The following KCNQ1 variants were observed in gnomAD, a reference collection of about 807,000 sequenced individuals.
KCNQ1 encodes potassium voltage-gated channel subfamily Q member 1.
KCNQ1 carries 49 observed loss-of-function variants against 72.4 expected under a neutral mutation model. The observed-to-expected ratio is 0.68, with a 90% CI of 0.54 to 0.86. The LOEUF (loss-of-function observed/expected upper bound fraction) is 0.86. KCNQ1 is among the 40% of genes least tolerant of loss of function. The probability of loss-of-function intolerance (pLI) is 0.00; values close to 1 mark genes in which losing one functional copy is unlikely to be tolerated. For missense variants in KCNQ1, 790 were observed against 945.1 expected (o/e 0.84, Z 2.15); for synonymous variants, 450 against 412.6 (o/e 1.09, Z -1.10).
chr11:2,646,412 C>G (rs968888683), intron 10 of KCNQ1: 3 of 398,446 alleles, frequency 7.5e-6, no homozygotes, highest in African/African-American at 6.2e-5. Flanking sequence ...TTGTGGAAAT[C>G]TTTCACCTCC....
chr11:2,842,261 C>T (rs1848229818), intron 15 of KCNQ1, among the ~76,000 whole-genome samples: 1 of 152,234 alleles, frequency 6.6e-6, no homozygotes, highest in Non-Finnish European at 1.5e-5. Context: ...ACAGCCTGGA[C>T]ACTGCCCGGG....
rs16928522 is a variant in KCNQ1, at chr11:2,664,411, C to T, written c.1514+2330C>T. 3.5e-5 allele frequency: 14 copies of T among 398,632 alleles called. No individual in the cohort carries two copies. Among genetic ancestry groups the T allele is most frequent in the Middle Eastern group, 1.3e-3 (2 of 1,588 alleles). The allele number at this position is 398,632 out of a possible 1,614,324, so 24.7% of individuals were successfully genotyped here. ...AGAGGCCTGAAGGGGAGAGTGGGCA[C>T]GTACAGTGTCAGGGCCTAGGAACCC... On this transcript the variant is annotated intron_variant, in intron 11 of 15. Transcript: ENST00000155840. This position sits in a 1 kb window ranked among gnomAD's most constrained non-coding sequence, Gnocchi z 5.1.
rs1036068574 is a variant in KCNQ1, at chr11:2,725,303, C to G, written c.1515-43541C>G. Among the ~76,000 whole-genome samples, 2 of 152,322 alleles carry G rather than the reference C, an allele frequency of 1.3e-5. No homozygotes were observed. Among genetic ancestry groups the G allele is most frequent in the Admixed American group, 6.5e-5 (1 of 15,304 alleles). On this transcript the variant is annotated intron_variant, in intron 11 of 15. Transcript: ENST00000155840. This position sits in a 1 kb window ranked among gnomAD's most constrained non-coding sequence, Gnocchi z 7.2. Reference sequence around the variant, plus strand: ...AGGGTCGGGGGCTCAGCCACGGGACCAGCGCTTGCCAGAAATGTTCCCAGC... The same window carrying G: ...AGGGTCGGGGGCTCAGCCACGGGACGAGCGCTTGCCAGAAATGTTCCCAGC...
chr11:2,646,880 A>G (rs972534213), intron 10 of KCNQ1: 2 of 398,606 alleles, frequency 5.0e-6, no homozygotes, highest in Non-Finnish European at 8.8e-6. Flanking sequence ...ACCAGTTCTA[A>G]AAGATTTTGG....
Position 2,679,260 on chromosome 11 carries a change from T to G in KCNQ1, c.1514+17179T>G. The G allele has an allele frequency of 1.0e-5, 4 of 398,678 alleles. No homozygotes were observed. The highest frequency in any genetic ancestry group is 4.4e-5 in the Admixed American group (1 of 22,740). The allele number at this position is 398,678 out of a possible 1,614,324, so 24.7% of individuals were successfully genotyped here. A position where few individuals can be genotyped will look rare whatever the true frequency, so the allele number is the denominator to read the frequency against. ...CAGCTGCCTGTCCCACCCTTGGCTG[T>G]GCTCTCCTTTACTAATCCATAGCCA... On this transcript the variant is annotated intron_variant, in intron 11 of 15. Coordinates refer to ENST00000155840, the MANE Select transcript of KCNQ1 (RefSeq NM_000218.3). This position sits in a 1 kb window ranked among gnomAD's most constrained non-coding sequence, Gnocchi z 4.8.
At chr11:2,625,277 A>G in intron 10 of KCNQ1, 1 of 398,612 alleles carries the variant, frequency 2.5e-6, no homozygotes, top group Non-Finnish European at 4.4e-6. Flanking sequence ...TTGAGACAAG[A>G]TCTGGCTCTG....
intron 15 of KCNQ1, chr11:2,839,794 G>A (rs972743374): frequency 1.3e-5 from 2 of 152,188 alleles, no homozygotes; most frequent in East Asian, 1.9e-4. Flanking sequence ...CAAGAGGGGA[G>A]GTTATGAGGT....
chr11:2,602,061 C>A lies in KCNQ1; in HGVS notation c.1393+13207C>A, dbSNP rs1848816190. On this transcript the variant is annotated intron_variant, in intron 10 of 15. Coordinates refer to ENST00000155840, the MANE Select transcript of KCNQ1 (RefSeq NM_000218.3). This position sits in a 1 kb window ranked among gnomAD's most constrained non-coding sequence, Gnocchi z 4.8. Reference sequence around the variant, plus strand: ...TAACAGGGAGGCAGAAGAATGACTACAGAAGAGAAAAAGGGTTACGTGGCC... The same window carrying A: ...TAACAGGGAGGCAGAAGAATGACTAAAGAAGAGAAAAAGGGTTACGTGGCC... Among the ~76,000 whole-genome samples the A allele has an allele frequency of 6.6e-6, 1 of 152,034 alleles. No homozygotes were observed. The highest frequency in any genetic ancestry group is 1.5e-5 in the Non-Finnish European group (1 of 68,006).
chr11:2,634,432 G>C (rs1849421221), intron 10 of KCNQ1: 1 of 170,112 alleles, frequency 5.9e-6, no homozygotes, highest in African/African-American at 2.5e-5. Flanking sequence ...TGCGGTGTTT[G>C]GTTTTTCATT....
intron 6 of KCNQ1, among the ~76,000 whole-genome samples, chr11:2,574,703 C>T (rs1218365422): frequency 1.3e-5 from 2 of 152,208 alleles, no homozygotes; most frequent in Non-Finnish European, 2.9e-5. Context: ...CCCATGAGGC[C>T]AGACACTCAG....
chr11:2,798,148 C>T (rs1394917557), intron 15 of KCNQ1, among the ~76,000 whole-genome samples: 2 of 151,928 alleles, frequency 1.3e-5, no homozygotes, highest in South Asian at 2.1e-4. Context: ...TGGCCCAGGC[C>T]CAAGCAAGCC....
At position 2,447,427 on chromosome 11, in the gene KCNQ1, G is replaced by A. The variant is rs2133563152; in HGVS notation, c.386+1943G>A. Among the ~76,000 whole-genome samples, 1 of 152,238 alleles carries A rather than the reference G, an allele frequency of 6.6e-6. No individual in the cohort carries two copies. The highest frequency in any genetic ancestry group is 2.1e-4 in the South Asian group (1 of 4,816). On this transcript the variant is annotated intron_variant, in intron 1 of 15. Coordinates refer to ENST00000155840, the MANE Select transcript of KCNQ1 (RefSeq NM_000218.3). This position sits in a 1 kb window ranked among gnomAD's most constrained non-coding sequence, Gnocchi z 7.6. ...GTGCCTGGCCCTGGGAAGTTGTCAT[G>A]AACAGCCTCCAACCCAGGTACCTCC...
At position 2,593,750 on chromosome 11, in the gene KCNQ1, C is replaced by T. The variant is rs985918219; in HGVS notation, c.1393+4896C>T. ...GGTTCTCACAGGGTCAGGCTGTAGC[C>T]TCCTCCTGCTCCCGGCTCCGCGTCC... On this transcript the variant is annotated intron_variant, in intron 10 of 15. Transcript: ENST00000155840. This position sits in a 1 kb window ranked among gnomAD's most constrained non-coding sequence, Gnocchi z 6.9. Among the ~76,000 whole-genome samples, 9 of 152,202 alleles carry T rather than the reference C, an allele frequency of 5.9e-5. No homozygotes were observed. The highest frequency in any genetic ancestry group is 2.2e-4 in the African/African-American group (9 of 41,454).
chr11:2,461,476 G>A, intron 1 of KCNQ1: 1 of 1,291,890 alleles, frequency 7.7e-7, no homozygotes, highest in Non-Finnish European at 1.0e-6. Flanking sequence ...GCCTGGGGCT[G>A]TGAGAGGCCC....
chr11:2,744,391 A>G lies in KCNQ1; in HGVS notation c.1515-24453A>G, dbSNP rs185837282. 1.7e-4 allele frequency among the ~76,000 whole-genome samples: 26 copies of G among 152,286 alleles called. No individual in the cohort carries two copies. The East Asian group carries it at 5.0e-3, about 29-fold the overall frequency. On this transcript the variant is annotated intron_variant, in intron 11 of 15. Transcript: ENST00000155840. ...CCTGCAGAGCCTTCTGGGAGGGAAG[A>G]ATGTGTTTCTTGCTCCAGTACTGCA...
Position 2,515,072 on chromosome 11 carries a change from G to C in KCNQ1, c.387-12856G>C, listed in dbSNP as rs1293592151. ...TTAGATTTGAGGAGTACACATACTT[G>C]TCTGTTACGTGCGTAATGGTGGGGT... On this transcript the variant is annotated intron_variant, in intron 1 of 15. Transcript: ENST00000155840. The surrounding 1 kb of genome is among the most constrained non-coding windows in gnomAD (Gnocchi z 4.7). 6.6e-6 allele frequency among the ~76,000 whole-genome samples: 1 copy of C among 152,140 alleles called. No homozygotes were observed. Among genetic ancestry groups the C allele is most frequent in the East Asian group, 1.9e-4 (1 of 5,186 alleles).
At chr11:2,502,732 A>G (rs1269259315) in intron 1 of KCNQ1, among the ~76,000 whole-genome samples, 1 of 152,240 alleles carries the variant, frequency 6.6e-6, no homozygotes, top group Non-Finnish European at 1.5e-5. Context: ...AGTCAAAGCT[A>G]TCCTGAGCAA....
In KCNQ1 at chr11:2,670,375, C is replaced by T. The variant is rs1325262377; in HGVS notation, c.1514+8294C>T. 2 of 398,322 alleles carry T rather than the reference C, an allele frequency of 5.0e-6. No individual in the cohort carries two copies. Among genetic ancestry groups the T allele is most frequent in the African/African-American group, 4.1e-5 (2 of 48,548 alleles). 24.7% of individuals were successfully genotyped at this position (398,322 alleles called of 1,614,324 possible). Reference sequence around the variant, plus strand: ...CAGATGGTTAGTATAGGCTGAAATTCCAAGAGCATTAACCAGACACCTACT... The same window carrying T: ...CAGATGGTTAGTATAGGCTGAAATTTCAAGAGCATTAACCAGACACCTACT... On this transcript the variant is annotated intron_variant, in intron 11 of 15. Transcript: ENST00000155840. This position sits in a 1 kb window ranked among gnomAD's most constrained non-coding sequence, Gnocchi z 4.9.
chr11:2,555,274 A>C (rs1254992626), intron 2 of KCNQ1, among the ~76,000 whole-genome samples: 1 of 152,222 alleles, frequency 6.6e-6, no homozygotes, highest in Non-Finnish European at 1.5e-5. Flanking sequence ...CCTGGCAGAT[A>C]AAAATAATGT....
Sources: allele counts gnomAD v4.1 joint callset (sites outside exome capture counted in the v4.1 genomes callset), GRCh38; gene constraint gnomAD v4.1.1; non-coding constraint Gnocchi (gnomAD v3.1); transcripts MANE v1.5; gene names NCBI Gene and HGNC (gene_info 2026-07-23, HGNC 2026-07-21).